Variants in ANKDD1A observed in about 807,000 individuals in gnomAD.
ANKDD1A encodes ankyrin repeat and death domain-containing protein 1A.
A neutral mutation model predicts 63.5 loss-of-function variants in ANKDD1A; 59 were observed. The ratio of observed to expected loss-of-function variants is 0.93; its 90% CI spans 0.75 to 1.15. The LOEUF (loss-of-function observed/expected upper bound fraction) is 1.15, where lower values mean the gene tolerates loss of function less well. ANKDD1A is among the 50% of genes most tolerant of loss of function. The pLI, the probability that ANKDD1A is intolerant of heterozygous loss-of-function variation, is 0.00. For missense variants in ANKDD1A, 632 were observed against 656.4 expected (o/e 0.96, Z 0.41); for synonymous variants, 266 against 263.9 (o/e 1.01, Z -0.08).
intron 9 of ANKDD1A, among the ~76,000 whole-genome samples, chr15:64,941,708 C>T (rs1358164533): frequency 1.3e-5 from 2 of 152,076 alleles, no homozygotes; most frequent in Non-Finnish European, 2.9e-5. Flanking sequence ...ATTTTATTGG[C>T]CTTGTACTAT....
At chr15:64,927,128 G>A in intron 6 of ANKDD1A, 129 bp downstream of exon 6, 1 of 922,298 alleles carries the variant, frequency 1.1e-6, no homozygotes, top group Non-Finnish European at 1.7e-6. Flanking sequence ...CCAAAGATGA[G>A]AGTGTATTTA....
Position 64,957,911 on chromosome 15 carries a change from A to G in ANKDD1A, c.*723A>G, listed in dbSNP as rs1311859069. ...AAAGGAAATTAGAAAACATATTTGC[A>G]TAAATAAAAGCTAGACAAAGGCTAA... On this transcript the variant is annotated 3_prime_UTR_variant, in exon 15 of 15. Transcript: ENST00000319580. 1 of 152,254 alleles carries G rather than the reference A, an allele frequency of 6.6e-6. No homozygotes were observed. Among genetic ancestry groups the G allele is most frequent in the Non-Finnish European group, 1.5e-5 (1 of 68,058 alleles). 9.4% of individuals were successfully genotyped at this position (152,254 alleles called of 1,614,324 possible).
chr15:64,940,668 G>C (rs964741770), intron 9 of ANKDD1A, among the ~76,000 whole-genome samples: 2 of 151,736 alleles, frequency 1.3e-5, no homozygotes, highest in Non-Finnish European at 2.9e-5. Context: ...TCGATCTCCT[G>C]ACCTCGTGAT....
Position 64,954,037 on chromosome 15 carries a change from TTCC to T in ANKDD1A, c.1484-3063_1484-3061del, listed in dbSNP as rs1306025470. On this transcript the variant is annotated intron_variant, in intron 14 of 14. Transcript: ENST00000319580. ...TTCTTTCCTCTTCTTTTCTTTCTTCTTCCTCTTCTTCTTTTCTCCTTCTTCTTT... is the reference window on the plus strand; with the variant it reads ...TTCTTTCCTCTTCTTTTCTTTCTTCTTCTTCTTCTTTTCTCCTTCTTCTTT... Among the ~76,000 whole-genome samples the T allele has an allele frequency of 1.1e-4, 13 of 119,570 alleles. No individual in the cohort carries two copies. The South Asian group carries it at 2.4e-3, about 22-fold the overall frequency. The allele number at this position is 119,570 out of a possible 152,430, so 78.4% of individuals were successfully genotyped here. A position where few individuals can be genotyped will look rare whatever the true frequency, so the allele number is the denominator to read the frequency against.
At chr15:64,947,291 C>G (rs1486243449) in intron 12 of ANKDD1A, 113 bp from the exon 13 acceptor site, 1 of 1,105,468 alleles carries the variant, frequency 9.0e-7, no homozygotes, top group Non-Finnish European at 1.3e-6. Context: ...CTGACTCCAG[C>G]TCCCAGGCAC....
chr15:64,955,736 G>T (rs896121105), intron 14 of ANKDD1A, among the ~76,000 whole-genome samples: 9 of 152,154 alleles, frequency 5.9e-5, no homozygotes, highest in Non-Finnish European at 1.3e-4. Context: ...CTGGAAAGGA[G>T]ATAAAATAAA....
rs1250186574 is a variant in ANKDD1A at position 64,951,408 on chromosome 15, TTTC to T, written c.1483+1439_1483+1441del. 6.8e-4 allele frequency: 67 copies of T among 98,230 alleles called. 1 individual carries two copies. Among genetic ancestry groups the T allele is most frequent in the African/African-American group, 3.7e-3 (57 of 15,412 alleles). 6.1% of individuals were successfully genotyped at this position (98,230 alleles called of 1,614,324 possible). ...CTTTTCTTCTTCCTCTTTTTTCTTT[TTTC>T]TTTTCTTCCTCTTTTCTTCTTTTTC... On this transcript the variant is annotated intron_variant, in intron 14 of 14. Transcript: ENST00000319580.
At chr15:64,931,438 T>TG in intron 7 of ANKDD1A, 49 bp from the exon 8 acceptor site, 3 of 1,562,354 alleles carry the variant, frequency 1.9e-6, no homozygotes, top group Non-Finnish European at 2.6e-6. Flanking sequence ...GGGGGTCACT[T>TG]GGGGGTGGGC....
chr15:64,952,595 CT>C (rs2085313867), intron 14 of ANKDD1A, among the ~76,000 whole-genome samples: 2 of 83,108 alleles, frequency 2.4e-5, no homozygotes, highest in Non-Finnish European at 5.0e-5. Flanking sequence ...CTTCTTCTTC[CT>C]TCGTCTTCTT....
At chr15:64,937,447 G>T (rs530367425) in intron 9 of ANKDD1A, among the ~76,000 whole-genome samples, 2 of 152,090 alleles carry the variant, frequency 1.3e-5, no homozygotes, top group Admixed American at 6.5e-5. Flanking sequence ...GAATGAGGAC[G>T]GCCGGGCGCA....
intron 6 of ANKDD1A, among the ~76,000 whole-genome samples, chr15:64,930,548 A>G (rs2085081345): frequency 6.6e-6 from 1 of 152,190 alleles, no homozygotes; most frequent in South Asian, 2.1e-4. Flanking sequence ...GTGAGAGGAG[A>G]TGGATCTGGG....
At chr15:64,953,101 TTTTC>T (rs1210058036) in intron 14 of ANKDD1A, among the ~76,000 whole-genome samples, 27 of 147,888 alleles carry the variant, frequency 1.8e-4, no homozygotes, top group African/African-American at 4.9e-4. Context: ...TTATACTTTC[TTTTC>T]TTTCTTCCGC....
chr15:64,918,323 A>G (rs1418004946), intron 3 of ANKDD1A, among the ~76,000 whole-genome samples: 1 of 152,204 alleles, frequency 6.6e-6, no homozygotes, highest in Non-Finnish European at 1.5e-5. Context: ...CATGAAAACA[A>G]TTTTCTTTGT....
intron 14 of ANKDD1A, chr15:64,950,430 C>T (rs774626480): frequency 1.4e-5 from 14 of 985,370 alleles, no homozygotes; most frequent in Non-Finnish European, 1.7e-5. Flanking sequence ...ATGCCAATCT[C>T]AAAAGCCTGA....
intron 14 of ANKDD1A, among the ~76,000 whole-genome samples, chr15:64,953,511 C>T (rs1388399666): frequency 7.1e-5 from 3 of 42,550 alleles, no homozygotes; most frequent in Admixed American, 5.1e-4. Flanking sequence ...TCCTCCTCTT[C>T]CTTCTCCTTC....
intron 6 of ANKDD1A, among the ~76,000 whole-genome samples, chr15:64,930,159 G>A (rs1161249684): frequency 2.6e-5 from 4 of 152,000 alleles, no homozygotes; most frequent in African/African-American, 9.7e-5. Context: ...TTAATACCTA[G>A]GTGACGGGTT....
intron 3 of ANKDD1A, among the ~76,000 whole-genome samples, chr15:64,921,672 G>T (rs1192800804): frequency 6.6e-6 from 1 of 152,138 alleles, no homozygotes; most frequent in Non-Finnish European, 1.5e-5. Flanking sequence ...ACCAAGCCTG[G>T]CCGGCAGCTG....
At chr15:64,953,554 T>TTCTTCTTCCTTCTC (rs2085346588) in intron 14 of ANKDD1A, among the ~76,000 whole-genome samples, 1 of 81,586 alleles carries the variant, frequency 1.2e-5, no homozygotes, top group Non-Finnish European at 3.2e-5. Context: ...TCCTTCTCCT[T>TTCTTCTTCCTTCTC]CTTTCTTCCT....
At chr15:64,915,197 G>A (rs1009113882) in intron 1 of ANKDD1A, among the ~76,000 whole-genome samples, 3 of 152,144 alleles carry the variant, frequency 2.0e-5, no homozygotes, top group South Asian at 2.1e-4. Context: ...CCCAGCTACC[G>A]AGGAGGCTGA....
Sources: allele counts gnomAD v4.1 joint callset (sites outside exome capture counted in the v4.1 genomes callset), GRCh38; gene constraint gnomAD v4.1.1; transcripts MANE v1.5; gene names NCBI Gene and HGNC (gene_info 2026-07-23, HGNC 2026-07-21).